The following THNSL1 variants were observed in gnomAD, a reference collection of about 807,000 sequenced individuals.
The protein encoded by THNSL1 is threonine synthase-like 1.
A neutral mutation model predicts 50.4 loss-of-function variants in THNSL1; 48 were observed. That is an observed-to-expected ratio of 0.95 (90% CI 0.76 to 1.21). THNSL1 has a LOEUF of 1.21. THNSL1 is among the 50% of genes most tolerant of loss of function. The pLI, the probability that THNSL1 is intolerant of heterozygous loss-of-function variation, is 0.00. For missense variants in THNSL1, 896 were observed against 871.7 expected (o/e 1.03, Z -0.35); for synonymous variants, 309 against 306.1 (o/e 1.01, Z -0.10).
chr10:24,995,780 A>G, the THNSL1 span: 1 of 1,613,968 alleles, frequency 6.2e-7, no homozygotes, highest in Non-Finnish European at 8.5e-7. Context: ...GTATTTATAA[A>G]ATTTTTTCCA....
chr10:24,995,781 A>G, the THNSL1 span: 1 of 1,613,878 alleles, frequency 6.2e-7, no homozygotes, highest in Non-Finnish European at 8.5e-7. Flanking sequence ...TATTTATAAA[A>G]TTTTTTCCAC....
chr10:25,010,612 A>C, the THNSL1 span, among the ~76,000 whole-genome samples: 1 of 148,630 alleles, frequency 6.7e-6, no homozygotes, highest in African/African-American at 2.5e-5. Flanking sequence ...ACCCCACAAC[A>C]GTCCCCAGAG....
At chr10:24,997,555 T>TA in the THNSL1 span, among the ~76,000 whole-genome samples, 26 of 151,640 alleles carry the variant, frequency 1.7e-4, no homozygotes, top group African/African-American at 6.3e-4. Flanking sequence ...CCTAGCTAAT[T>TA]AAAAAAAATT....
At chr10:24,986,455 C>A in the THNSL1 span, among the ~76,000 whole-genome samples, 2 of 152,144 alleles carry the variant, frequency 1.3e-5, no homozygotes, top group Non-Finnish European at 2.9e-5. Context: ...ACAGTGTATG[C>A]GATGTATTCC....
chr10:25,013,898 C>A (rs1261484627), upstream of THNSL1, among the ~76,000 whole-genome samples: 1 of 151,664 alleles, frequency 6.6e-6, no homozygotes, highest in Non-Finnish European at 1.5e-5. Context: ...GCCAAGATGG[C>A]GCCATTGCAC....
chr10:24,970,752 G>A, the THNSL1 span, among the ~76,000 whole-genome samples: 3 of 150,560 alleles, frequency 2.0e-5, no homozygotes, highest in Non-Finnish European at 2.9e-5. Context: ...GGCCGGGCAC[G>A]ATGGCTCACG....
rs147725304 is a variant in THNSL1 at position 25,021,418 on chromosome 10, C to T, written c.-215-324C>T. ...AGCTTTAGTCTGCTGACTTTTTCCC[C>T]TCTGATCATTATACAGCCAAATCAT... On this transcript the variant is annotated intron_variant, in intron 1 of 2. Coordinates refer to ENST00000376356, the MANE Select transcript of THNSL1 (RefSeq NM_024838.5). 9.3e-3 allele frequency among the ~76,000 whole-genome samples: 1,412 copies of T among 152,256 alleles called. 12 individuals are homozygous for T. The highest frequency in any genetic ancestry group is 0.021 in the South Asian group (102 of 4,828).
At chr10:25,007,533 C>T in the THNSL1 span, among the ~76,000 whole-genome samples, 9 of 152,292 alleles carry the variant, frequency 5.9e-5, no homozygotes, top group Admixed American at 2.6e-4. Flanking sequence ...CTCCCGGGTT[C>T]ACACCATTCT....
chr10:24,952,642 GGGGGATGGGACGT>G, the THNSL1 span: 5 of 1,363,240 alleles, frequency 3.7e-6, no homozygotes, highest in East Asian at 2.5e-5. This position sits in a 1 kb window ranked among gnomAD's most constrained non-coding sequence, Gnocchi z 5.1. Context: ...AAGGCTGCGT[GGGGGATGGGACGT>G]GGGGATGGGG....
At chr10:25,019,974 C>T (rs1464286068) in intron 1 of THNSL1, among the ~76,000 whole-genome samples, 1 of 152,008 alleles carries the variant, frequency 6.6e-6, no homozygotes, top group African/African-American at 2.4e-5. Context: ...GTGGCCATTG[C>T]AGCAGACGTT....
chr10:24,988,001 A>C, the THNSL1 span, among the ~76,000 whole-genome samples: 1 of 151,704 alleles, frequency 6.6e-6, no homozygotes, highest in African/African-American at 2.4e-5. Context: ...CGGGTGGATC[A>C]CCTGAGGCCA....
At chr10:24,997,960 A>G in the THNSL1 span, among the ~76,000 whole-genome samples, 10 of 152,140 alleles carry the variant, frequency 6.6e-5, no homozygotes, top group East Asian at 5.8e-4. Context: ...ATTGTTGGTC[A>G]TAGAATGCTG....
the THNSL1 span, among the ~76,000 whole-genome samples, chr10:25,009,841 G>T: frequency 2.0e-5 from 3 of 152,256 alleles, no homozygotes; most frequent in South Asian, 2.1e-4. Context: ...ATGTGACTTT[G>T]TTCCTCCTTC....
At chr10:25,005,240 A>C in the THNSL1 span, among the ~76,000 whole-genome samples, 1 of 152,276 alleles carries the variant, frequency 6.6e-6, no homozygotes, top group South Asian at 2.1e-4. Flanking sequence ...ATTATGAGAT[A>C]TGGGCTAAAG....
the THNSL1 span, among the ~76,000 whole-genome samples, chr10:24,973,829 C>T: frequency 6.6e-6 from 1 of 152,162 alleles, no homozygotes; most frequent in Non-Finnish European, 1.5e-5. Context: ...TCTCAGCTCA[C>T]TGCAACCTCC....
the THNSL1 span, among the ~76,000 whole-genome samples, chr10:25,000,236 CA>C: frequency 6.6e-6 from 1 of 152,060 alleles, no homozygotes; most frequent in Non-Finnish European, 1.5e-5. Flanking sequence ...TGTTTTATGG[CA>C]CAAAGTATGT....
the THNSL1 span, among the ~76,000 whole-genome samples, chr10:24,992,515 G>A: frequency 3.0e-4 from 45 of 152,166 alleles, 1 homozygote; most frequent in Non-Finnish European, 1.8e-4. Context: ...AGTGTCAGTG[G>A]AGGTGACCTC....
chr10:24,990,596 G>T, the THNSL1 span: 1 of 1,599,490 alleles, frequency 6.3e-7, no homozygotes, highest in Non-Finnish European at 8.5e-7. Context: ...GTATTCAGGT[G>T]TGACACCATA....
chr10:24,954,760 T>C, the THNSL1 span, among the ~76,000 whole-genome samples: 5 of 152,208 alleles, frequency 3.3e-5, no homozygotes, highest in African/African-American at 1.2e-4. Context: ...ATTTTGATAA[T>C]ACTTTGTGCG....
Sources: gnomAD v4.1 joint callset for allele counts (sites outside exome capture counted in the v4.1 genomes callset) on GRCh38, gnomAD v4.1.1 for gene constraint, Gnocchi (gnomAD v3.1) non-coding constraint, MANE v1.5 for transcripts, NCBI Gene and HGNC (gene_info 2026-07-23, HGNC 2026-07-21) for gene names.